SAMD4A: variants seen among roughly 807,000 people sequenced by gnomAD.
SAMD4A encodes protein Smaug homolog 1.
A neutral mutation model predicts 81.3 loss-of-function variants in SAMD4A; 33 were observed. That is an observed-to-expected ratio of 0.41 (90% confidence interval 0.31 to 0.54). The LOEUF (loss-of-function observed/expected upper bound fraction) is 0.54. Ranked by LOEUF, SAMD4A falls within the 20% of genes least tolerant of loss-of-function variation. The probability of loss-of-function intolerance (pLI) is 0.37; values close to 1 mark genes in which losing one functional copy is unlikely to be tolerated. For missense variants in SAMD4A, 854 were observed against 951.1 expected (o/e 0.90, Z 1.34); for synonymous variants, 389 against 382.1 (o/e 1.02, Z -0.21).
At chr14:54,736,403 G>A (rs1166238289) in intron 3 of SAMD4A, among the ~76,000 whole-genome samples, 2 of 152,130 alleles carry the variant, frequency 1.3e-5, no homozygotes, top group African/African-American at 4.8e-5. Flanking sequence ...CCCTTTCACC[G>A]ACAGGTAGCT....
chr14:54,732,979 G>T (rs1263476003), intron 3 of SAMD4A, among the ~76,000 whole-genome samples: 2 of 152,170 alleles, frequency 1.3e-5, no homozygotes, highest in Non-Finnish European at 2.9e-5. Flanking sequence ...GAATCCCAGG[G>T]TTTAAAGAAA....
At position 54,567,897 on chromosome 14, in the gene SAMD4A, C is replaced by A. The variant is rs777583125; in HGVS notation, c.-20C>A. Reference sequence around the variant, plus strand: ...TGGGGCGCCCAGGGGGCTCTGTAGACCGAGGGCGGCCCCCTAACCATGATG... The same window carrying A: ...TGGGGCGCCCAGGGGGCTCTGTAGAACGAGGGCGGCCCCCTAACCATGATG... On this transcript the variant is annotated 5_prime_UTR_variant, in exon 2 of 13. Transcript: ENST00000554335. The A allele has an allele frequency of 8.8e-6, 14 of 1,599,240 alleles. No individual in the cohort carries two copies. The South Asian group carries it at 1.2e-4, about 14-fold the overall frequency.
At chr14:54,712,625 G>A (rs1453183759) in intron 3 of SAMD4A, among the ~76,000 whole-genome samples, 1 of 152,150 alleles carries the variant, frequency 6.6e-6, no homozygotes, top group African/African-American at 2.4e-5. Context: ...ATCATGCCTA[G>A]TGTCTGTTTT....
chr14:54,599,900 G>C (rs2034009891), intron 2 of SAMD4A, among the ~76,000 whole-genome samples: 1 of 152,122 alleles, frequency 6.6e-6, no homozygotes, highest in Admixed American at 6.5e-5. Context: ...AAAACACTGA[G>C]ATCTCTTCAT....
At chr14:54,574,546 C>G (rs753494067) in intron 2 of SAMD4A, among the ~76,000 whole-genome samples, 8 of 152,152 alleles carry the variant, frequency 5.3e-5, no homozygotes, top group Non-Finnish European at 1.2e-4. Flanking sequence ...GAGGGATATT[C>G]ACCGTCATAA....
chr14:54,740,109 G>A (rs1231800390), intron 4 of SAMD4A, among the ~76,000 whole-genome samples: 2 of 152,254 alleles, frequency 1.3e-5, no homozygotes, highest in Admixed American at 1.3e-4. Flanking sequence ...GATAGAGGTT[G>A]CAGTGAGCCA....
Position 54,789,165 on chromosome 14 carries a change from G to T in SAMD4A, c.*221G>T. The T allele has an allele frequency of 2.3e-5, 10 of 427,420 alleles. No individual in the cohort carries two copies. The highest frequency in any genetic ancestry group is 4.9e-5 in the East Asian group (1 of 20,224). The allele number at this position is 427,420 out of a possible 1,614,324, so 26.5% of individuals were successfully genotyped here. ...TGTCATTTGTTTCTGTCATGGGATGGTTTGGTGTGTGGGGTGGGGAGGGGT... is the reference window on the plus strand; with the variant it reads ...TGTCATTTGTTTCTGTCATGGGATGTTTTGGTGTGTGGGGTGGGGAGGGGT... On this transcript the variant is annotated 3_prime_UTR_variant, in exon 13 of 13. Transcript: ENST00000554335.
intron 2 of SAMD4A, among the ~76,000 whole-genome samples, chr14:54,635,953 A>G (rs1258177069): frequency 6.6e-6 from 1 of 152,236 alleles, no homozygotes; most frequent in Non-Finnish European, 1.5e-5. Context: ...TAACAAAACA[A>G]AGATCCTTTC....
At chr14:54,755,540 G>T (rs554088037) in intron 6 of SAMD4A, among the ~76,000 whole-genome samples, 1 of 152,172 alleles carries the variant, frequency 6.6e-6, no homozygotes, top group Non-Finnish European at 1.5e-5. Flanking sequence ...GGTCGGGAGG[G>T]TTTGAAGGAA....
chr14:54,585,478 A>AATGGT (rs1294448268), intron 2 of SAMD4A, among the ~76,000 whole-genome samples: 2 of 152,128 alleles, frequency 1.3e-5, no homozygotes, highest in African/African-American at 4.8e-5. Context: ...TTGGGGAACA[A>AATGGT]ATGGTATTTG....
intron 2 of SAMD4A, among the ~76,000 whole-genome samples, chr14:54,603,508 A>G (rs1394519968): frequency 6.6e-6 from 1 of 152,216 alleles, no homozygotes; most frequent in East Asian, 1.9e-4. Flanking sequence ...TTCTGTTCTG[A>G]GTCCAGTGTG....
intron 3 of SAMD4A, among the ~76,000 whole-genome samples, chr14:54,716,391 A>G (rs770278404): frequency 6.6e-6 from 1 of 152,190 alleles, no homozygotes; most frequent in Non-Finnish European, 1.5e-5. Context: ...GAGAGGGTAC[A>G]TAGTATTAAG....
At chr14:54,718,313 A>G (rs931082037) in intron 3 of SAMD4A, among the ~76,000 whole-genome samples, 5 of 152,244 alleles carry the variant, frequency 3.3e-5, no homozygotes, top group African/African-American at 7.2e-5. Flanking sequence ...GAAAGATTTC[A>G]TGTTTACTTC....
intron 3 of SAMD4A, among the ~76,000 whole-genome samples, chr14:54,717,390 A>G (rs192295678): frequency 4.6e-5 from 7 of 151,230 alleles, no homozygotes; most frequent in African/African-American, 1.7e-4. Context: ...GCAGTGAGCT[A>G]TGATTGCACC....
At chr14:54,692,113 G>T (rs999457656) in intron 2 of SAMD4A, among the ~76,000 whole-genome samples, 1 of 152,200 alleles carries the variant, frequency 6.6e-6, no homozygotes, top group Non-Finnish European at 1.5e-5. Flanking sequence ...CATCTCTTGA[G>T]TTGGGAAATT....
At chr14:54,594,673 G>A (rs1270640665) in intron 2 of SAMD4A, among the ~76,000 whole-genome samples, 1 of 152,172 alleles carries the variant, frequency 6.6e-6, no homozygotes, top group Non-Finnish European at 1.5e-5. Context: ...AGATTTAATT[G>A]GTGGTTGTAC....
chr14:54,766,254 C>T (rs767657551), intron 8 of SAMD4A, among the ~76,000 whole-genome samples: 37 of 152,002 alleles, frequency 2.4e-4, no homozygotes, highest in African/African-American at 8.5e-4. Context: ...CAGGAAAAAG[C>T]GACAAAGGAA....
At chr14:54,763,508 G>A (rs2038458915) in intron 7 of SAMD4A, among the ~76,000 whole-genome samples, 1 of 152,178 alleles carries the variant, frequency 6.6e-6, no homozygotes, top group African/African-American at 2.4e-5. Flanking sequence ...CAGTGAGGTA[G>A]TTTACAAGGT....
intron 2 of SAMD4A, among the ~76,000 whole-genome samples, chr14:54,669,215 G>A (rs1347485669): frequency 1.3e-5 from 2 of 152,224 alleles, no homozygotes; most frequent in East Asian, 3.9e-4. Flanking sequence ...AGGAGACACA[G>A]CTAAGGTACT....
Sources: allele counts gnomAD v4.1 joint callset (sites outside exome capture counted in the v4.1 genomes callset), GRCh38; gene constraint gnomAD v4.1.1; transcripts MANE v1.5; gene names NCBI Gene and HGNC (gene_info 2026-07-23, HGNC 2026-07-21).